HS3ST5: variants seen among roughly 807,000 people sequenced by gnomAD.
HS3ST5 encodes the protein heparan sulfate-glucosamine 3-sulfotransferase 5, also known as heparan sulfate glucosamine 3-O-sulfotransferase 5.
Under a neutral mutation model 25.4 loss-of-function variants are expected in HS3ST5, and 10 were observed. The ratio of observed to expected loss-of-function variants is 0.39; its 90% CI spans 0.24 to 0.67. HS3ST5 has a LOEUF of 0.67. Among genes scored for constraint, HS3ST5 ranks in the 30% least tolerant of loss-of-function variants. The probability of loss-of-function intolerance (pLI) is 0.44; values close to 1 mark genes in which losing one functional copy is unlikely to be tolerated. For synonymous variants in HS3ST5, 170 were observed against 162.4 expected (o/e 1.05, Z -0.36); for missense variants, 324 against 420.7 (o/e 0.77, Z 2.01).
chr6:114,097,658 A>G (rs901464930), intron 3 of HS3ST5, among the ~76,000 whole-genome samples: 1 of 151,930 alleles, frequency 6.6e-6, no homozygotes, highest in East Asian at 1.9e-4. Flanking sequence ...AGCACTTTGA[A>G]TTGAAGTAAT....
intron 1 of HS3ST5, among the ~76,000 whole-genome samples, chr6:114,302,223 A>G (rs1775106678): frequency 6.6e-6 from 1 of 152,188 alleles, no homozygotes; most frequent in African/African-American, 2.4e-5. Flanking sequence ...GTAATGAGAA[A>G]GACAGAAAAA....
chr6:114,100,749 G>T (rs141663398), intron 3 of HS3ST5, among the ~76,000 whole-genome samples: 45 of 152,180 alleles, frequency 3.0e-4, no homozygotes, highest in Non-Finnish European at 5.6e-4. Flanking sequence ...GTTCTAAGGG[G>T]GTCAAGAGTC....
intron 1 of HS3ST5, among the ~76,000 whole-genome samples, chr6:114,264,354 C>T (rs764828436): frequency 5.3e-5 from 8 of 152,128 alleles, no homozygotes; most frequent in East Asian, 1.9e-4. Context: ...GAAAAGGACA[C>T]GTATAATCTA....
chr6:114,092,423 T>G (rs1775166261), intron 3 of HS3ST5, among the ~76,000 whole-genome samples: 1 of 152,072 alleles, frequency 6.6e-6, no homozygotes, highest in African/African-American at 2.4e-5. Flanking sequence ...TTGAAGAAAT[T>G]AGCTTGAATA....
intron 3 of HS3ST5, among the ~76,000 whole-genome samples, chr6:114,064,614 TA>T (rs1433271676): frequency 6.6e-6 from 1 of 152,210 alleles, no homozygotes; most frequent in Non-Finnish European, 1.5e-5. Flanking sequence ...TCTTATGTGC[TA>T]GATTCTGTAT....
intron 1 of HS3ST5, among the ~76,000 whole-genome samples, chr6:114,341,172 GAGGGA>G (rs1776822619): frequency 6.8e-5 from 3 of 44,306 alleles, no homozygotes; most frequent in African/African-American, 1.1e-4. Flanking sequence ...GGGAGGGAGG[GAGGGA>G]GAGGGAGAGG....
At chr6:114,244,458 T>G (rs1772288556) in intron 1 of HS3ST5, among the ~76,000 whole-genome samples, 1 of 152,206 alleles carries the variant, frequency 6.6e-6, no homozygotes, top group African/African-American at 2.4e-5. Flanking sequence ...GAGAAAATAA[T>G]GTATTTCATA....
At position 114,199,276 on chromosome 6, in the gene HS3ST5, G is replaced by A. The variant is rs116050307; in HGVS notation, c.-145+29309C>T. Among the ~76,000 whole-genome samples, 874 of 152,186 alleles carry A rather than the reference G, an allele frequency of 5.7e-3. 7 individuals are homozygous for A. The highest frequency in any genetic ancestry group is 0.02 in the African/African-American group (837 of 41,532). The stretch of plus-strand genomic sequence containing the variant: ...AAAAATGACTTAAGTTTTTATGGCC[G>A]TAAAGGATGCCAGCACAGGATAATG... On this transcript the variant is annotated intron_variant, in intron 2 of 4. Transcript: ENST00000312719.
intron 3 of HS3ST5, among the ~76,000 whole-genome samples, chr6:114,082,554 G>A (rs1004691536): frequency 3.3e-5 from 5 of 152,170 alleles, no homozygotes; most frequent in South Asian, 2.1e-4. Context: ...TTTATTGAGC[G>A]GTGTTAAAGA....
intron 3 of HS3ST5, among the ~76,000 whole-genome samples, chr6:114,161,575 A>ATATATATAGAT (rs60732374): frequency 9.3e-6 from 1 of 107,820 alleles, no homozygotes; most frequent in Admixed American, 1.0e-4. Context: ...ATATATATAT[A>ATATATATAGAT]AAATGCAATG....
chr6:114,209,170 T>C (rs1438203485), intron 2 of HS3ST5, among the ~76,000 whole-genome samples: 1 of 152,224 alleles, frequency 6.6e-6, no homozygotes, highest in East Asian at 1.9e-4. Context: ...TTTTTTACAT[T>C]CTGCATTGCC....
intron 3 of HS3ST5, among the ~76,000 whole-genome samples, chr6:114,123,621 A>T (rs1424418565): frequency 6.6e-6 from 1 of 152,162 alleles, no homozygotes; most frequent in Non-Finnish European, 1.5e-5. Flanking sequence ...AAGCATATAG[A>T]TCCACAATCC....
chr6:114,119,030 G>C (rs926741218), intron 3 of HS3ST5, among the ~76,000 whole-genome samples: 1 of 152,184 alleles, frequency 6.6e-6, no homozygotes, highest in Non-Finnish European at 1.5e-5. Flanking sequence ...AGATTGCAGG[G>C]TTGTTTGTAA....
chr6:114,322,218 T>A (rs2114883656), intron 1 of HS3ST5, among the ~76,000 whole-genome samples: 1 of 152,288 alleles, frequency 6.6e-6, no homozygotes, highest in South Asian at 2.1e-4. Context: ...GGTTTTAAAG[T>A]AGCAATATAA....
At chr6:114,322,996 A>C (rs1018799179) in intron 1 of HS3ST5, among the ~76,000 whole-genome samples, 2 of 152,138 alleles carry the variant, frequency 1.3e-5, no homozygotes, top group African/African-American at 4.8e-5. Context: ...ATCTCTTTTC[A>C]TTCCTGATAA....
chr6:114,221,410 G>A (rs1209206647), intron 2 of HS3ST5, among the ~76,000 whole-genome samples: 3 of 151,618 alleles, frequency 2.0e-5, no homozygotes, highest in Non-Finnish European at 4.4e-5. Context: ...TTTATCTAAT[G>A]GTTCCATAAT....
intron 1 of HS3ST5, among the ~76,000 whole-genome samples, chr6:114,276,770 T>C (rs1441553275): frequency 2.0e-5 from 3 of 152,012 alleles, no homozygotes; most frequent in African/African-American, 4.8e-5. Flanking sequence ...TGGGGTCTAA[T>C]TGGCACAAAA....
rs73542325 is a variant in HS3ST5, at chr6:114,253,620, T to G, written c.-338-24842A>C. Among the ~76,000 whole-genome samples the G allele has an allele frequency of 8.3e-3, 1,261 of 152,290 alleles. 16 individuals are homozygous for G. The highest frequency in any genetic ancestry group is 0.029 in the African/African-American group (1,199 of 41,558). On this transcript the variant is annotated intron_variant, in intron 1 of 4. Transcript: ENST00000312719. ...GGGCTTGCAATGACTTGCCTCAACT[T>G]GTACACTAGGTCTCCAAGTTCAGAC...
chr6:114,187,046 T>A (rs115569513), intron 2 of HS3ST5, among the ~76,000 whole-genome samples: 1 of 152,136 alleles, frequency 6.6e-6, no homozygotes, highest in Non-Finnish European at 1.5e-5. Context: ...AAAAAAAGAT[T>A]CCTTCCAAAA....
Sources: allele counts gnomAD v4.1 joint callset (sites outside exome capture counted in the v4.1 genomes callset), GRCh38; gene constraint gnomAD v4.1.1; transcripts MANE v1.5; gene names NCBI Gene and HGNC (gene_info 2026-07-23, HGNC 2026-07-21).